The following C10orf143 variants were observed in gnomAD, a reference collection of about 807,000 sequenced individuals.
C10orf143 encodes the protein uncharacterized protein C10orf143.
At chr10:130,098,903 T>C (rs539726874) in intron 1 of C10orf143, among the ~76,000 whole-genome samples, 55 of 152,166 alleles carry the variant, frequency 3.6e-4, no homozygotes, top group Middle Eastern at 6.8e-3. Flanking sequence ...CTGGCCAACA[T>C]GGAGAAACCC....
intron 1 of C10orf143, among the ~76,000 whole-genome samples, chr10:130,090,399 C>G (rs1861361533): frequency 6.6e-6 from 1 of 152,122 alleles, no homozygotes; most frequent in African/African-American, 2.4e-5. Context: ...TATGCTTTTC[C>G]CATGGTCTTC....
chr10:130,096,001 C>G (rs1261240196), intron 1 of C10orf143, among the ~76,000 whole-genome samples: 1 of 152,144 alleles, frequency 6.6e-6, no homozygotes, highest in Non-Finnish European at 1.5e-5. Context: ...TCAGAGTGAA[C>G]AGGCAACCTA....
chr10:130,068,774 G>A (rs1005110304), intron 3 of C10orf143, among the ~76,000 whole-genome samples: 8 of 151,532 alleles, frequency 5.3e-5, no homozygotes, highest in South Asian at 2.1e-4. Context: ...ACTCATTAAC[G>A]GGGATCAACA....
intron 3 of C10orf143, among the ~76,000 whole-genome samples, chr10:130,042,822 C>T (rs958869672): frequency 2.6e-5 from 4 of 152,136 alleles, no homozygotes; most frequent in African/African-American, 4.8e-5. Flanking sequence ...TGGGCCGTCA[C>T]GGCTTGGAGG....
intron 3 of C10orf143, among the ~76,000 whole-genome samples, chr10:130,044,510 G>A (rs887309522): frequency 9.2e-5 from 14 of 152,316 alleles, no homozygotes; most frequent in East Asian, 1.9e-4. Flanking sequence ...TGGGAACCCC[G>A]GGTGTGGTCT....
chr10:130,055,715 G>T (rs1860786659), intron 3 of C10orf143, among the ~76,000 whole-genome samples: 1 of 152,102 alleles, frequency 6.6e-6, no homozygotes, highest in South Asian at 2.1e-4. Flanking sequence ...GGAGGCCGAG[G>T]CAGGCAGATC....
intron 3 of C10orf143, among the ~76,000 whole-genome samples, chr10:130,073,797 A>T (rs750947567): frequency 9.9e-5 from 15 of 152,134 alleles, no homozygotes; most frequent in Non-Finnish European, 1.6e-4. Context: ...ACAGTTAAAA[A>T]TTTTTTTAAA....
chr10:130,078,101 C>G (rs1861148979), intron 3 of C10orf143, among the ~76,000 whole-genome samples: 1 of 152,138 alleles, frequency 6.6e-6, no homozygotes, highest in African/African-American at 2.4e-5. Context: ...ATAACAGAGG[C>G]AAGCTTGGGG....
At chr10:130,039,213 G>A (rs1367374126) in intron 3 of C10orf143, among the ~76,000 whole-genome samples, 1 of 152,154 alleles carries the variant, frequency 6.6e-6, no homozygotes, top group Non-Finnish European at 1.5e-5. Context: ...AGAACCAACA[G>A]GATATACACA....
intron 3 of C10orf143, among the ~76,000 whole-genome samples, chr10:130,077,421 T>C (rs1861136518): frequency 6.6e-6 from 1 of 152,162 alleles, no homozygotes; most frequent in Non-Finnish European, 1.5e-5. Flanking sequence ...CAAGGGAGCT[T>C]ACTGGAGAAC....
At chr10:130,037,291 C>T (rs571243733) in intron 3 of C10orf143, among the ~76,000 whole-genome samples, 2 of 152,334 alleles carry the variant, frequency 1.3e-5, no homozygotes, top group Non-Finnish European at 2.9e-5. Flanking sequence ...TTTAACTAAG[C>T]ACTGCCGCTT....
At chr10:130,059,256 G>A (rs1198321391), downstream of C10orf143, among the ~76,000 whole-genome samples, 1 of 152,056 alleles carries the variant, frequency 6.6e-6, no homozygotes, top group Non-Finnish European at 1.5e-5. Context: ...TGCAAGGCTA[G>A]AAGCCAGCAA....
At chr10:130,067,615 C>G (rs186296928) in intron 3 of C10orf143, 3 of 152,324 alleles carry the variant, frequency 2.0e-5, no homozygotes, top group Admixed American at 2.0e-4. Flanking sequence ...GCATATTCGT[C>G]TTTACTACCA....
intron 3 of C10orf143, among the ~76,000 whole-genome samples, chr10:130,071,036 C>T (rs1021733260): frequency 7.2e-5 from 11 of 152,334 alleles, no homozygotes; most frequent in African/African-American, 2.6e-4. Flanking sequence ...TTGCCTCAGC[C>T]TCCTGAGTAG....
intron 3 of C10orf143, among the ~76,000 whole-genome samples, chr10:130,043,021 C>A (rs1162224175): frequency 2.6e-5 from 4 of 152,326 alleles, no homozygotes; most frequent in Non-Finnish European, 4.4e-5. Context: ...AGCAAGCCTG[C>A]AAAACGCTGA....
At chr10:130,058,034 G>A (rs980021389) in intron 3 of C10orf143, among the ~76,000 whole-genome samples, 1 of 152,162 alleles carries the variant, frequency 6.6e-6, no homozygotes, top group Non-Finnish European at 1.5e-5. Context: ...CTAGAGCCAG[G>A]GAATTGTCTG....
intron 4 of C10orf143, among the ~76,000 whole-genome samples, chr10:130,035,638 A>G (rs1019378763): frequency 1.3e-5 from 2 of 149,784 alleles, no homozygotes; most frequent in Non-Finnish European, 1.5e-5. Flanking sequence ...TATCCTCCCT[A>G]TCCTCTAGGG....
intron 1 of C10orf143, among the ~76,000 whole-genome samples, chr10:130,098,000 C>T (rs796217381): frequency 3.4e-5 from 5 of 145,914 alleles, no homozygotes; most frequent in African/African-American, 1.2e-4. Context: ...TTACTAAAAA[C>T]CACTTAATTA....
chr10:130,055,464 C>T (rs1860784275), intron 3 of C10orf143, among the ~76,000 whole-genome samples: 1 of 152,168 alleles, frequency 6.6e-6, no homozygotes, highest in Non-Finnish European at 1.5e-5. Context: ...CCAAAGGAGA[C>T]ATAGGAATGG....
Sources: gnomAD v4.1 joint callset for allele counts (sites outside exome capture counted in the v4.1 genomes callset) on GRCh38, gnomAD v4.1.1 for gene constraint, MANE v1.5 for transcripts, NCBI Gene and HGNC (gene_info 2026-07-23, HGNC 2026-07-21) for gene names.